EPB41L4A: variants seen among roughly 807,000 people sequenced by gnomAD.
The protein encoded by EPB41L4A is band 4.1-like protein 4A.
EPB41L4A carries 100 observed loss-of-function variants against 108.6 expected under a neutral mutation model. The observed-to-expected ratio is 0.92, with a 90% CI of 0.78 to 1.09. The LOEUF (loss-of-function observed/expected upper bound fraction) is 1.09. Among genes scored for constraint, EPB41L4A ranks in the 50% least tolerant of loss-of-function variants. The pLI is 0.00. For missense variants in EPB41L4A, 1,030 were observed against 842.7 expected, an observed-to-expected ratio of 1.22 and a Z score of -2.75; for synonymous variants, 319 against 289.0, an observed-to-expected ratio of 1.10 and a Z score of -1.05.
At position 112,279,266 on chromosome 5, in the gene EPB41L4A, T is replaced by C. The variant is rs17322056; in HGVS notation, c.256+1006A>G. On this transcript the variant is annotated intron_variant, in intron 3 of 22. Transcript: ENST00000261486. ...TTCGGATGGCTTTGCAGTCCAGGTT[T>C]CCAGTTCCTTTTGGAAGCAGAGCTA... Among the ~76,000 whole-genome samples the C allele has an allele frequency of 5.7e-3, 870 of 152,218 alleles. 2 individuals are homozygous for C. Among genetic ancestry groups the C allele is most frequent in the Middle Eastern group, 0.01 (3 of 294 alleles).
At chr5:112,175,676 T>C (rs1219852582) in intron 18 of EPB41L4A, 7 of 151,124 alleles carry the variant, frequency 4.6e-5, no homozygotes, top group Admixed American at 1.3e-4. Context: ...ATAGTACATA[T>C]ATTTTAAAAT....
At chr5:112,166,881 T>C (rs1427128115) in intron 22 of EPB41L4A, among the ~76,000 whole-genome samples, 1 of 152,252 alleles carries the variant, frequency 6.6e-6, no homozygotes, top group African/African-American at 2.4e-5. Context: ...CATGGTTTGC[T>C]GATTGCTCAG....
At chr5:112,384,732 A>G (rs1274802822) in intron 1 of EPB41L4A, among the ~76,000 whole-genome samples, 2 of 151,902 alleles carry the variant, frequency 1.3e-5, no homozygotes, top group African/African-American at 4.8e-5. Flanking sequence ...GGAAAGAGAA[A>G]CAAAAAGAGA....
In EPB41L4A at chr5:112,419,217, A is replaced by C; in HGVS notation, c.-178T>G. The C allele has an allele frequency of 2.1e-6, 1 of 470,240 alleles. No homozygotes were observed. The allele number at this position is 470,240 out of a possible 1,614,324, so 29.1% of individuals were successfully genotyped here. A position where few individuals can be genotyped will look rare whatever the true frequency, so the allele number is the denominator to read the frequency against. On this transcript the variant is annotated 5_prime_UTR_variant, in exon 1 of 23. Coordinates refer to ENST00000261486, the MANE Select transcript of EPB41L4A (RefSeq NM_022140.5). ...ACCGCCCGGCGGGGCGGGAGCGAGA[A>C]AGGCGGAAAAGCCCGGGAGAGTCAG...
chr5:112,195,999 T>C (rs1761949394), intron 15 of EPB41L4A, among the ~76,000 whole-genome samples: 1 of 152,184 alleles, frequency 6.6e-6, no homozygotes, highest in Non-Finnish European at 1.5e-5. Flanking sequence ...TCCAAGCTGA[T>C]TTCTGCCATA....
At chr5:112,208,016 G>T (rs1428969829) in intron 13 of EPB41L4A, among the ~76,000 whole-genome samples, 1 of 152,120 alleles carries the variant, frequency 6.6e-6, no homozygotes, top group Non-Finnish European at 1.5e-5. Context: ...GGGATGCCAA[G>T]GCAGGCGGAT....
chr5:112,178,463 A>G (rs1236666331), intron 18 of EPB41L4A, among the ~76,000 whole-genome samples: 1 of 152,162 alleles, frequency 6.6e-6, no homozygotes, highest in Non-Finnish European at 1.5e-5. Flanking sequence ...TCTATTCGAC[A>G]ACCAGTAACT....
At chr5:112,411,579 G>A (rs939222359) in intron 1 of EPB41L4A, among the ~76,000 whole-genome samples, 1 of 151,390 alleles carries the variant, frequency 6.6e-6, no homozygotes, top group Admixed American at 6.6e-5. Context: ...ATCCTATGAG[G>A]CAGATATCAT....
chr5:112,162,584 T>G (rs1294267869), downstream of EPB41L4A: 2 of 152,244 alleles, frequency 1.3e-5, no homozygotes, highest in Non-Finnish European at 2.9e-5. Flanking sequence ...TTGCCATATC[T>G]TCTGCCTTTG....
chr5:112,410,629 G>T (rs1444714237), intron 1 of EPB41L4A, among the ~76,000 whole-genome samples: 1 of 152,032 alleles, frequency 6.6e-6, no homozygotes, highest in African/African-American at 2.4e-5. Context: ...TCCTTCCTGA[G>T]CCCCTCCCCC....
At chr5:112,337,838 C>T (rs1757021104) in intron 1 of EPB41L4A, among the ~76,000 whole-genome samples, 1 of 152,120 alleles carries the variant, frequency 6.6e-6, no homozygotes, top group Non-Finnish European at 1.5e-5. Flanking sequence ...AGGCTTCTCA[C>T]AGATGGAAGC....
At chr5:112,255,876 A>G (rs1391680388) in intron 9 of EPB41L4A, among the ~76,000 whole-genome samples, 1 of 152,110 alleles carries the variant, frequency 6.6e-6, no homozygotes, top group African/African-American at 2.4e-5. Flanking sequence ...GGGACTCCTG[A>G]TCTTCCTCCT....
chr5:112,273,038 T>C (rs1165180806), intron 4 of EPB41L4A, among the ~76,000 whole-genome samples: 2 of 152,186 alleles, frequency 1.3e-5, no homozygotes, highest in African/African-American at 4.8e-5. Context: ...TTAAATAGCA[T>C]ATATCTGGAG....
intron 12 of EPB41L4A, among the ~76,000 whole-genome samples, chr5:112,223,176 G>T (rs769795233): frequency 1.3e-5 from 2 of 151,988 alleles, no homozygotes; most frequent in Non-Finnish European, 2.9e-5. Flanking sequence ...CTGACCTCTG[G>T]TGATCTGCCC....
intron 1 of EPB41L4A, among the ~76,000 whole-genome samples, chr5:112,399,594 A>G (rs930151747): frequency 2.6e-5 from 4 of 152,184 alleles, no homozygotes; most frequent in African/African-American, 7.2e-5. Context: ...ATCACCACAC[A>G]TAACACTTTC....
In EPB41L4A at chr5:112,144,667, G is replaced by A. The variant is rs144249101; in HGVS notation, n.1113-787C>T. Among the ~76,000 whole-genome samples the A allele has an allele frequency of 1.1e-4, 16 of 152,286 alleles. No homozygotes were observed. In the East Asian group the frequency reaches 2.1e-3, roughly 20 times the overall value. The stretch of plus-strand genomic sequence containing the variant: ...GATGATATCTTTTGTGAGCTGGATC[G>A]TAGGATTGTAGAGATAGAAGAAAAC... On this transcript the variant is annotated intron_variant and non_coding_transcript_variant, in intron 13 of 13. Coordinates refer to the EPB41L4A transcript ENST00000507810.
At position 112,352,460 on chromosome 5, in the gene EPB41L4A, CTAAGAAGATATATGATA is replaced by C. The variant is rs1453715519; in HGVS notation, c.100-44987_100-44971del. Among the ~76,000 whole-genome samples the C allele has an allele frequency of 4.6e-5, 7 of 152,192 alleles. 1 individual carries two copies. In the East Asian group the frequency reaches 1.4e-3, roughly 29 times the overall value. ...ATTTCTGGCTTTATTCCATTGTGGT[CTAAGAAGATATATGATA>C]TAATTGCATTTTTTAAAAAATTTGT... is the stretch of plus-strand genomic sequence containing the variant. On this transcript the variant is annotated intron_variant, in intron 1 of 22. Transcript: ENST00000261486.
intron 2 of EPB41L4A, among the ~76,000 whole-genome samples, chr5:112,284,066 C>G (rs1753126943): frequency 6.6e-6 from 1 of 152,164 alleles, no homozygotes; most frequent in Non-Finnish European, 1.5e-5. Context: ...GAATGTAATA[C>G]TCTAAGTCCT....
At chr5:112,252,054 G>A (rs556362150) in intron 9 of EPB41L4A, among the ~76,000 whole-genome samples, 15 of 11,628 alleles carry the variant, frequency 1.3e-3, no homozygotes, top group African/African-American at 5.5e-3. Flanking sequence ...ATGAGTAAAT[G>A]TGTGGCTTTT....
Sources: allele counts gnomAD v4.1 joint callset (sites outside exome capture counted in the v4.1 genomes callset), GRCh38; gene constraint gnomAD v4.1.1; transcripts MANE v1.5; gene names NCBI Gene and HGNC (gene_info 2026-07-23, HGNC 2026-07-21).